WDR11: variants seen among roughly 807,000 people sequenced by gnomAD.
WDR11 encodes WD repeat domain 11.
Under a neutral mutation model 151.2 loss-of-function variants are expected in WDR11, and 83 were observed. That is an observed-to-expected ratio of 0.55 (90% CI 0.46 to 0.66). WDR11 has a LOEUF of 0.66. Ranked by LOEUF, WDR11 falls within the 30% of genes least tolerant of loss-of-function variation. WDR11 has a pLI of 0.00. For synonymous variants in WDR11, 484 were observed against 533.1 expected (o/e 0.91, Z 1.27); for missense variants, 1,301 against 1,480.9 (o/e 0.88, Z 1.99).
chr10:120,906,813 G>C lies in WDR11; in HGVS notation c.3475G>C (p.Ala1159Pro). 2 of 1,614,176 alleles carry C rather than the reference G, an allele frequency of 1.2e-6. No homozygotes were observed. Among genetic ancestry groups the C allele is most frequent in the Non-Finnish European group, 1.7e-6 (2 of 1,180,016 alleles). The change falls in exon 28 of 29, where the codon GCT (alanine) becomes CCT (proline). Residue 1159 changes from alanine to proline, a missense_variant. This residue lies in a region of WDR11 where 589 missense variants were observed against 670.6 expected (regional missense o/e 0.88). Transcript: ENST00000263461. ...YFDRAALFVE[A>P]CLKYGAFEVT... ...TGATAGAGCAGCCTTATTTGTGGAA[G>C]CTTGCCTCAAGTATGGAGCATTTGA...
At chr10:120,905,221 G>T in intron 25 of WDR11, 98 bp from the exon 26 acceptor site, 1 of 1,154,080 alleles carries the variant, frequency 8.7e-7, no homozygotes, top group African/African-American at 1.5e-5. Context: ...TATAAAATGG[G>T]CACGACTAGA....
At chr10:120,855,031 T>C (rs1313639635) in intron 2 of WDR11, among the ~76,000 whole-genome samples, 1 of 152,210 alleles carries the variant, frequency 6.6e-6, no homozygotes, top group African/African-American at 2.4e-5. Flanking sequence ...CTGTATATAC[T>C]GTTTTGTCTC....
At chr10:120,895,735 AAG>A in intron 19 of WDR11, among the ~76,000 whole-genome samples, 2 of 152,304 alleles carry the variant, frequency 1.3e-5, no homozygotes, top group Non-Finnish European at 2.9e-5. Flanking sequence ...GTAAGGATAA[AAG>A]AAGAAAATAA....
chr10:120,896,286 T>TA (rs766516254), intron 19 of WDR11, among the ~76,000 whole-genome samples: 2 of 152,126 alleles, frequency 1.3e-5, no homozygotes, highest in Non-Finnish European at 2.9e-5. Context: ...ACACCACACA[T>TA]ACACAGAATA....
In WDR11 at chr10:120,880,914, C is replaced by T; in HGVS notation, c.1739+13C>T. On this transcript the variant is annotated intron_variant, in intron 13 of 28. Coordinates refer to ENST00000263461, the MANE Select transcript of WDR11 (RefSeq NM_018117.12). ...TATCTCATTTGAAGTAAGTGTCAAC[C>T]TAAAAAAAAATCTATGGTGTTATCA... The T allele has an allele frequency of 6.3e-7, 1 of 1,579,510 alleles. No homozygotes were observed. The highest frequency in any genetic ancestry group is 8.6e-7 in the Non-Finnish European group (1 of 1,158,358).
At chr10:120,897,970 A>T (rs531346963) in intron 19 of WDR11, among the ~76,000 whole-genome samples, 1 of 152,334 alleles carries the variant, frequency 6.6e-6, no homozygotes, top group South Asian at 2.1e-4. Flanking sequence ...TATTTTGTGT[A>T]TAATTTAATT....
chr10:120,883,855 G>A lies in WDR11; in HGVS notation c.1815G>A (p.Glu605=). 1 of 1,613,366 alleles carries A rather than the reference G, an allele frequency of 6.2e-7. No homozygotes were observed. Among genetic ancestry groups the A allele is most frequent in the Non-Finnish European group, 8.5e-7 (1 of 1,179,556 alleles). Residue 605 remains glutamate, a synonymous_variant, in exon 14 of 29, where the codon GAG becomes GAA. Transcript: ENST00000263461. ...WDVRTCTLLR[E]MSKNFPTITA... The stretch of plus-strand genomic sequence containing the variant: ...TTAGGACTTGTACCCTTCTTAGAGA[G>A]ATGTCCAAAAACTTCCCTACAATAA...
intron 10 of WDR11, among the ~76,000 whole-genome samples, chr10:120,872,046 T>G (rs1035259641): frequency 6.6e-6 from 1 of 152,222 alleles, no homozygotes; most frequent in African/African-American, 2.4e-5. Context: ...AAACTCAACA[T>G]TTCTTCTTAA....
At chr10:120,890,086 C>T in intron 18 of WDR11, 77 bp downstream of exon 18, 2 of 1,028,178 alleles carry the variant, frequency 1.9e-6, no homozygotes, top group Non-Finnish European at 3.0e-6. Context: ...AAACTTCTTT[C>T]TGATTTAGAA....
chr10:120,860,425 T>C (rs938626667), intron 4 of WDR11, 143 bp downstream of exon 4: 5 of 917,244 alleles, frequency 5.5e-6, no homozygotes, highest in East Asian at 5.3e-5. Flanking sequence ...CTAGTCCATA[T>C]ATCTGCAGCT....
chr10:120,873,653 T>A (rs1846627437), intron 10 of WDR11, among the ~76,000 whole-genome samples, 186 bp from the exon 11 acceptor site: 1 of 151,918 alleles, frequency 6.6e-6, no homozygotes, highest in African/African-American at 2.4e-5. Flanking sequence ...GTTAGGCCCA[T>A]TTTTTTTATA....
intron 19 of WDR11, chr10:120,899,762 G>A (rs568987006): frequency 2.3e-6 from 1 of 437,194 alleles, no homozygotes; most frequent in Non-Finnish European, 4.2e-6. Flanking sequence ...CAGCCTAGGT[G>A]ACAGAGCGAG....
At chr10:120,890,078 ACTT>A (rs1453478047) in intron 18 of WDR11, 69 bp downstream of exon 18, 6 of 1,105,596 alleles carry the variant, frequency 5.4e-6, no homozygotes, top group Middle Eastern at 2.2e-4. Flanking sequence ...TTGTTAAAAA[ACTT>A]CTTTCTGATT....
intron 2 of WDR11, among the ~76,000 whole-genome samples, chr10:120,854,965 T>C (rs1221150072): frequency 6.6e-6 from 1 of 152,222 alleles, no homozygotes; most frequent in African/African-American, 2.4e-5. Flanking sequence ...GAACCCTATA[T>C]ATATTGTGCT....
chr10:120,873,276 T>C (rs563078431), intron 10 of WDR11, among the ~76,000 whole-genome samples: 1 of 152,312 alleles, frequency 6.6e-6, no homozygotes, highest in East Asian at 1.9e-4. Context: ...ACAGATTTAG[T>C]GTGGGCAAGT....
intron 16 of WDR11, 91 bp from the exon 17 acceptor site, chr10:120,888,987 G>A: frequency 1.0e-6 from 1 of 971,652 alleles, no homozygotes; most frequent in South Asian, 1.5e-5. Flanking sequence ...CTAAAGCACA[G>A]CCCTTTAAAT....
chr10:120,864,046 C>T (rs1846228787), intron 5 of WDR11, among the ~76,000 whole-genome samples: 1 of 152,078 alleles, frequency 6.6e-6, no homozygotes. Context: ...ATATGTATAT[C>T]TTGAGTATTG....
At chr10:120,905,832 A>C (rs773538024) in intron 26 of WDR11, 44 bp from the exon 27 acceptor site, 2 of 1,614,092 alleles carry the variant, frequency 1.2e-6, no homozygotes, top group Admixed American at 1.7e-5. Flanking sequence ...TTTTCTTTAT[A>C]GAGTGCAGGA....
At chr10:120,908,531 C>T in intron 28 of WDR11, 25 bp from the exon 29 acceptor site, 1 of 1,613,936 alleles carries the variant, frequency 6.2e-7, no homozygotes, top group Non-Finnish European at 8.5e-7. Context: ...CCTTTTTACT[C>T]TTCTTTTCCT....
Sources: allele counts gnomAD v4.1 joint callset (sites outside exome capture counted in the v4.1 genomes callset), GRCh38; gene constraint gnomAD v4.1.1; regional missense constraint gnomAD v4.1.1; transcripts MANE v1.5; gene names NCBI Gene and HGNC (gene_info 2026-07-23, HGNC 2026-07-21).